The following PTPRD variants were observed in gnomAD, a reference collection of about 807,000 sequenced individuals.
PTPRD encodes receptor-type tyrosine-protein phosphatase delta.
In PTPRD, 34 loss-of-function variants were observed where a neutral mutation model predicts 214.5. The observed-to-expected ratio is 0.16, with a 90% CI of 0.12 to 0.21. The LOEUF is 0.21. Among genes scored for constraint, PTPRD ranks in the 10% least tolerant of loss-of-function variants. The probability of loss-of-function intolerance (pLI) is 1.00; values close to 1 mark genes in which losing one functional copy is unlikely to be tolerated. For missense variants in PTPRD, 2,545 were observed against 2,398.7 expected (o/e 1.06, Z -1.27); for synonymous variants, 1,128 against 845.7 (o/e 1.33, Z -5.79).
At chr9:10,578,014 C>A (rs954705064) in intron 2 of PTPRD, among the ~76,000 whole-genome samples, 2 of 151,240 alleles carry the variant, frequency 1.3e-5, no homozygotes, top group African/African-American at 4.9e-5. Flanking sequence ...CAGGTTCAAG[C>A]GATTCTCTTG....
intron 3 of PTPRD, among the ~76,000 whole-genome samples, chr9:10,207,150 C>T (rs1437877952): frequency 1.3e-5 from 2 of 152,104 alleles, no homozygotes; most frequent in South Asian, 2.1e-4. Flanking sequence ...TTTTATGCTC[C>T]TTCCTGGACA....
intron 5 of PTPRD, among the ~76,000 whole-genome samples, chr9:9,890,243 G>C (rs1374249081): frequency 6.6e-6 from 1 of 151,834 alleles, no homozygotes; most frequent in African/African-American, 2.4e-5. Flanking sequence ...TGTGGCCCAG[G>C]GTAGAGTGCA....
intron 14 of PTPRD, among the ~76,000 whole-genome samples, chr9:8,568,771 C>A (rs955832634): frequency 4.0e-5 from 6 of 151,844 alleles, no homozygotes; most frequent in African/African-American, 1.2e-4. Flanking sequence ...AGAGGCATAA[C>A]AGTCTCCATT....
chr9:9,352,228 T>C lies in PTPRD; in HGVS notation c.-203+45221A>G, dbSNP rs142727562. ...TGTATAGTACATCGTAGCATAACTA[T>C]AAAATAATTTATCTGTCCAGCTTTG... On this transcript the variant is annotated intron_variant, in intron 9 of 45. Coordinates refer to ENST00000381196, the MANE Select transcript of PTPRD (RefSeq NM_002839.4). 3.3e-3 allele frequency among the ~76,000 whole-genome samples: 507 copies of C among 151,822 alleles called. 2 individuals carry two copies. The highest frequency in any genetic ancestry group is 0.012 in the African/African-American group (489 of 41,414).
intron 7 of PTPRD, among the ~76,000 whole-genome samples, chr9:9,666,151 T>C (rs1163297579): frequency 6.6e-6 from 1 of 151,810 alleles, no homozygotes; most frequent in Non-Finnish European, 1.5e-5. Context: ...GAAGTATATA[T>C]GTATTAAAGC....
At position 8,521,514 on chromosome 9, in the gene PTPRD, G is replaced by C. The variant is rs2138910536; in HGVS notation, c.724C>G (p.Pro242Ala). The change falls in exon 20 of 46, where the codon CCC becomes GCC. Residue 242 changes from proline to alanine, a missense_variant. Physicochemically the swap from Pro to Ala is conservative, Grantham distance 27. Transcript: ENST00000381196. ...CCTGGCATGATTTCATGATTAGTGGGTGGGATAGAGAATCTTGGTGGGACA... is the reference window on the plus strand; with the variant it reads ...CCTGGCATGATTTCATGATTAGTGGCTGGGATAGAGAATCTTGGTGGGACA... The part of the protein sequence containing the change: ...RRVPPRFSIP[P>A]TNHEIMPGGS... 1.2e-6 allele frequency: 2 copies of C among 1,613,906 alleles called. No homozygotes were observed. Among genetic ancestry groups the C allele is most frequent in the Non-Finnish European group, 1.7e-6 (2 of 1,179,876 alleles).
At chr9:10,287,405 T>G (rs867178607) in intron 3 of PTPRD, among the ~76,000 whole-genome samples, 1 of 152,190 alleles carries the variant, frequency 6.6e-6, no homozygotes, top group African/African-American at 2.4e-5. Context: ...AAATGTCTTA[T>G]AGCATGTCAT....
chr9:9,840,150 G>C (rs992174837), intron 5 of PTPRD, among the ~76,000 whole-genome samples: 16 of 152,014 alleles, frequency 1.1e-4, no homozygotes, highest in African/African-American at 3.9e-4. Context: ...TGATTCTCCT[G>C]TCGCAGCCTT....
intron 12 of PTPRD, among the ~76,000 whole-genome samples, chr9:8,663,923 T>C (rs2097121198): frequency 6.6e-6 from 1 of 151,914 alleles, no homozygotes; most frequent in Non-Finnish European, 1.5e-5. Flanking sequence ...GCTTAAATAA[T>C]TGGCGGAAAA....
chr9:9,285,069 C>T (rs773392196), intron 9 of PTPRD, among the ~76,000 whole-genome samples: 4 of 151,666 alleles, frequency 2.6e-5, no homozygotes, highest in South Asian at 2.1e-4. Context: ...TTTCATTTCC[C>T]ACCACCTAGT....
intron 11 of PTPRD, among the ~76,000 whole-genome samples, chr9:9,011,626 GAAATGCC>G: frequency 6.6e-6 from 1 of 152,070 alleles, no homozygotes; most frequent in East Asian, 1.9e-4. Context: ...CTTACAATAG[GAAATGCC>G]CATTGTACTT....
chr9:9,239,671 C>A (rs560562550), intron 9 of PTPRD, among the ~76,000 whole-genome samples: 1 of 152,110 alleles, frequency 6.6e-6, no homozygotes, highest in Non-Finnish European at 1.5e-5. Context: ...GGGCAGATGG[C>A]CATGGTACAG....
chr9:9,771,143 C>G (rs901874408), intron 5 of PTPRD, among the ~76,000 whole-genome samples: 3 of 152,074 alleles, frequency 2.0e-5, no homozygotes, highest in Non-Finnish European at 4.4e-5. Flanking sequence ...TAAAGTTGCT[C>G]AAGATTATGT....
intron 3 of PTPRD, among the ~76,000 whole-genome samples, chr9:10,248,416 C>T (rs754948752): frequency 1.2e-4 from 18 of 147,394 alleles, no homozygotes; most frequent in Non-Finnish European, 1.9e-4. Context: ...AGGGAATGGG[C>T]GAAAATGAGC....
intron 2 of PTPRD, among the ~76,000 whole-genome samples, chr9:10,590,264 T>C (rs1300285066): frequency 3.3e-5 from 5 of 152,022 alleles, no homozygotes; most frequent in Non-Finnish European, 5.9e-5. Context: ...CATGTAACTA[T>C]TACAAGCACT....
At chr9:10,272,931 C>A (rs2094497192) in intron 3 of PTPRD, among the ~76,000 whole-genome samples, 1 of 152,140 alleles carries the variant, frequency 6.6e-6, no homozygotes, top group African/African-American at 2.4e-5. Flanking sequence ...TGTTGTCCAT[C>A]AGTATTCTGT....
chr9:9,437,618 G>A (rs1424476838), intron 8 of PTPRD, among the ~76,000 whole-genome samples: 1 of 152,118 alleles, frequency 6.6e-6, no homozygotes, highest in Admixed American at 6.6e-5. Flanking sequence ...GGGATCAGCT[G>A]AACTTCTTTT....
intron 9 of PTPRD, among the ~76,000 whole-genome samples, chr9:9,321,094 A>T (rs922388648): frequency 3.3e-5 from 5 of 152,226 alleles, no homozygotes; most frequent in Non-Finnish European, 7.3e-5. Context: ...TGAGACACAA[A>T]TTAACATCAC....
At chr9:8,631,466 C>T (rs969640690) in intron 14 of PTPRD, among the ~76,000 whole-genome samples, 1 of 151,738 alleles carries the variant, frequency 6.6e-6, no homozygotes, top group Non-Finnish European at 1.5e-5. Flanking sequence ...TGGGTATGAA[C>T]AACCTTCTCT....
Sources: allele counts gnomAD v4.1 joint callset (sites outside exome capture counted in the v4.1 genomes callset), GRCh38; gene constraint gnomAD v4.1.1; transcripts MANE v1.5; gene names NCBI Gene and HGNC (gene_info 2026-07-23, HGNC 2026-07-21).